Variants in GPR32 observed in about 807,000 individuals in gnomAD.
GPR32 encodes probable G protein-coupled receptor 32.
For synonymous variants in GPR32, 215 were observed against 195.3 expected (o/e 1.10, Z -0.84); for missense variants, 433 against 454.1 (o/e 0.95, Z 0.42).
Position 50,770,786 on chromosome 19 carries a change from G to C in GPR32, c.186G>C (p.Gly62=), listed in dbSNP as rs765794369. ...ASIVVGVLGN[G]LVLWMTVFRM... is the part of the protein sequence containing the mutation. ...TTGTCGTCGGAGTGCTGGGCAATGG[G>C]CTGGTGCTGTGGATGACTGTCTTCC... The change falls in exon 1 of 1, where the codon GGG becomes GGC. Residue 62 remains glycine (G), a synonymous_variant. Coordinates refer to ENST00000270590, the MANE Select transcript of GPR32 (RefSeq NM_001506.2). 6.2e-6 allele frequency: 10 copies of C among 1,614,114 alleles called. No homozygotes were observed. The highest frequency in any genetic ancestry group is 6.8e-6 in the Non-Finnish European group (8 of 1,180,020).
rs2089392917 is a variant in GPR32 at position 50,770,530 on chromosome 19, C to A, written c.-71C>A. The A allele has an allele frequency of 9.5e-7, 1 of 1,056,058 alleles. No individual in the cohort carries two copies. The highest frequency in any genetic ancestry group is 1.3e-6 in the Non-Finnish European group (1 of 743,930). 65.4% of individuals were successfully genotyped at this position (1,056,058 alleles called of 1,614,324 possible). A position where few individuals can be genotyped will look rare whatever the true frequency, so the allele number is the denominator to read the frequency against. The stretch of plus-strand genomic sequence containing the variant: ...TACCTTTGCACTCCAGCCTGGGTGA[C>A]AGAGCATGACGCTGTCTCTAAAAGA... On this transcript the variant is annotated 5_prime_UTR_variant, in exon 1 of 1. Transcript: ENST00000270590.
Position 50,770,780 on chromosome 19 carries a change from C to T in GPR32, c.180C>T (p.Gly60=). 6.2e-7 allele frequency: 1 copy of T among 1,614,118 alleles called. No individual in the cohort carries two copies. Among genetic ancestry groups the T allele is most frequent in the Non-Finnish European group, 8.5e-7 (1 of 1,180,020 alleles). ...LSASIVVGVL[G]NGLVLWMTVF... The stretch of plus-strand genomic sequence containing the variant: ...CGTCCATTGTCGTCGGAGTGCTGGG[C>T]AATGGGCTGGTGCTGTGGATGACTG... The change falls in exon 1 of 1, where the codon GGC becomes GGT. Residue 60 remains glycine, a synonymous_variant. Transcript: ENST00000270590.
rs2089397186 is a variant in GPR32 at position 50,771,029 on chromosome 19, C to T, written c.429C>T (p.Val143=). The T allele has an allele frequency of 6.2e-7, 1 of 1,614,186 alleles. No homozygotes were observed. Among genetic ancestry groups the T allele is most frequent in the Non-Finnish European group, 8.5e-7 (1 of 1,180,034 alleles). ...VFISVDRCIS[V]LYPVWALNHR... ...TCTCTGTGGACCGTTGCATCTCTGTCCTCTACCCCGTCTGGGCCCTGAACC... is the reference window on the plus strand; with the variant it reads ...TCTCTGTGGACCGTTGCATCTCTGTTCTCTACCCCGTCTGGGCCCTGAACC... The change falls in exon 1 of 1, where the codon GTC becomes GTT. Residue 143 remains valine, a synonymous_variant. Transcript: ENST00000270590.
In GPR32 at chr19:50,771,392, T is replaced by C; in HGVS notation, c.792T>C (p.Ala264=). Reference sequence around the variant, plus strand: ...GGCTGCTGCTGGTGCTGGTGAGCGCTTTCTTTATCTTCTGGTCCCCGTTTA... The same window carrying C: ...GGCTGCTGCTGGTGCTGGTGAGCGCCTTCTTTATCTTCTGGTCCCCGTTTA... ...PKRLLLVLVS[A]FFIFWSPFNV... Residue 264 remains alanine (A), a synonymous_variant, in exon 1 of 1, where the codon GCT becomes GCC. Transcript: ENST00000270590. 1 of 1,614,096 alleles carries C rather than the reference T, an allele frequency of 6.2e-7. No homozygotes were observed. The highest frequency in any genetic ancestry group is 8.5e-7 in the Non-Finnish European group (1 of 1,180,020).
Position 50,771,181 on chromosome 19 carries a change from C to G in GPR32, c.581C>G (p.Ala194Gly). 2.5e-6 allele frequency: 4 copies of G among 1,614,140 alleles called. No individual in the cohort carries two copies. Among genetic ancestry groups the G allele is most frequent in the Non-Finnish European group, 3.4e-6 (4 of 1,180,006 alleles). The change falls in exon 1 of 1, where the codon GCG becomes GGG. Residue 194 changes from alanine to glycine, a missense_variant. Transcript: ENST00000270590. ...AATGGCTGTACGCACTGCTACTTGG[C>G]GTTCAACTCTGACAATGAGACTGCC... is the stretch of plus-strand genomic sequence containing the variant. ...KWNGCTHCYL[A>G]FNSDNETAQI...
In GPR32 at chr19:50,771,539, C is replaced by T. The variant is rs61730518; in HGVS notation, c.939C>T (p.Pro313=). 6.2e-7 allele frequency: 1 copy of T among 1,613,008 alleles called. No homozygotes were observed. Among genetic ancestry groups the T allele is most frequent in the Admixed American group, 1.7e-5 (1 of 59,906 alleles). Residue 313 remains proline (P), a synonymous_variant, in exon 1 of 1, where the codon CCC becomes CCT. Transcript: ENST00000270590. ...ALGCVNSSLN[P]FLYVFVGRDF... ...GCTGTGTCAACAGCAGCCTCAACCCCTTCCTCTACGTCTTCGTTGGCAGAG... is the reference window on the plus strand; with the variant it reads ...GCTGTGTCAACAGCAGCCTCAACCCTTTCCTCTACGTCTTCGTTGGCAGAG...
rs767427575 is a variant in GPR32 at position 50,771,649 on chromosome 19, G to C, written c.1049G>C (p.Arg350Pro). The change falls in exon 1 of 1, where the codon CGT (arginine) becomes CCT (proline). Residue 350 changes from arginine (R) to proline (P), a missense_variant. Arg to Pro is a moderately radical substitution (Grantham distance 103). Coordinates refer to ENST00000270590, the MANE Select transcript of GPR32 (RefSeq NM_001506.2). Reference protein sequence around the residue: ...GEEEFLSSCPRGNAPRE With the variant: ...GEEEFLSSCPPGNAPRE ...GAGGAGTTTCTGTCATCCTGTCCCC[G>C]TGGCAACGCCCCCCGGGAATGATGG... The C allele has an allele frequency of 1.2e-6, 2 of 1,611,956 alleles. No homozygotes were observed. Among genetic ancestry groups the C allele is most frequent in the South Asian group, 1.1e-5 (1 of 90,958 alleles).
chr19:50,771,489 A>G lies in GPR32; in HGVS notation c.889A>G (p.Ile297Val), dbSNP rs747713270. The G allele has an allele frequency of 2.5e-6, 4 of 1,614,054 alleles. No individual in the cohort carries two copies. In the Admixed American group the frequency reaches 6.7e-5, roughly 27 times the overall value. The change falls in exon 1 of 1, where the codon ATC becomes GTC. Residue 297 changes from isoleucine to valine, a missense_variant. Transcript: ENST00000270590. ...KEIYHPRMLL[I>V]LQASFALGCV... ...AATCTACCACCCCCGGATGCTGCTC[A>G]TCCTCCAGGCTAGCTTTGCCTTGGG...
chr19:50,771,479 G>A lies in GPR32; in HGVS notation c.879G>A (p.Arg293=). 6.2e-7 allele frequency: 1 copy of A among 1,614,206 alleles called. No homozygotes were observed. Among genetic ancestry groups the A allele is most frequent in the South Asian group, 1.1e-5 (1 of 91,082 alleles). Residue 293 remains arginine (R), a synonymous_variant, in exon 1 of 1, where the codon CGG becomes CGA. Coordinates refer to ENST00000270590, the MANE Select transcript of GPR32 (RefSeq NM_001506.2). ...RVMLKEIYHP[R]MLLILQASFA... Reference sequence around the variant, plus strand: ...TGCTCAAGGAAATCTACCACCCCCGGATGCTGCTCATCCTCCAGGCTAGCT... The same window carrying A: ...TGCTCAAGGAAATCTACCACCCCCGAATGCTGCTCATCCTCCAGGCTAGCT...
Position 50,771,234 on chromosome 19 carries a change from G to A in GPR32, c.634G>A (p.Gly212Arg). Residue 212 changes from glycine to arginine, a missense_variant, in exon 1 of 1, where the codon GGA (glycine) becomes AGA (arginine). Physicochemically the swap from Gly to Arg is moderately radical, Grantham distance 125. Coordinates refer to ENST00000270590, the MANE Select transcript of GPR32 (RefSeq NM_001506.2). ...GATTTGGATTGAAGGGGTCGTGGAG[G>A]GACACATTATAGGGACCATTGGCCA... is the stretch of plus-strand genomic sequence containing the variant. ...AQIWIEGVVEGHIIGTIGHFL... is the reference protein window; with the variant it reads ...AQIWIEGVVERHIIGTIGHFL... 2.5e-6 allele frequency: 4 copies of A among 1,614,150 alleles called. No individual in the cohort carries two copies. Among genetic ancestry groups the A allele is most frequent in the Non-Finnish European group, 3.4e-6 (4 of 1,180,028 alleles).
Position 50,771,087 on chromosome 19 carries a change from T to G in GPR32, c.487T>G (p.Phe163Val), listed in dbSNP as rs980378202. Residue 163 changes from phenylalanine (F) to valine (V), a missense_variant, in exon 1 of 1, where the codon TTT becomes GTT. By Grantham distance (50) the Phe-to-Val change is conservative. Coordinates refer to ENST00000270590, the MANE Select transcript of GPR32 (RefSeq NM_001506.2). ...RTVQRASWLA[F>V]GVWLLAAALC... ...TGTGCAGCGGGCGAGCTGGCTGGCC[T>G]TTGGGGTGTGGCTCCTGGCCGCCGC... 1.2e-6 allele frequency: 2 copies of G among 1,614,192 alleles called. No homozygotes were observed. The highest frequency in any genetic ancestry group is 1.7e-5 in the Admixed American group (1 of 60,022).
In GPR32 at chr19:50,771,672, T is replaced by C. The variant is rs962532379; in HGVS notation, c.*1T>C. The C allele has an allele frequency of 6.3e-7, 1 of 1,599,848 alleles. No homozygotes were observed. The highest frequency in any genetic ancestry group is 8.5e-7 in the Non-Finnish European group (1 of 1,172,728). On this transcript the variant is annotated 3_prime_UTR_variant, in exon 1 of 1. Transcript: ENST00000270590. ...CCGTGGCAACGCCCCCCGGGAATGA[T>C]GGAAGACTTCAGCTGGAAGCTGGAA...
In GPR32 at chr19:50,770,610, G is replaced by A; in HGVS notation, c.10G>A (p.Val4Ile). Reference sequence around the variant, plus strand: ...ATGGAATGGAGAAATCATGAATGGGGTCTCGGAGGGGACCAGAGGCTGCAG... The same window carrying A: ...ATGGAATGGAGAAATCATGAATGGGATCTCGGAGGGGACCAGAGGCTGCAG... MNG[V>I]SEGTRGCSDR... Residue 4 changes from valine to isoleucine, a missense_variant, in exon 1 of 1, where the codon GTC becomes ATC. Transcript: ENST00000270590. 6.3e-7 allele frequency: 1 copy of A among 1,578,190 alleles called. No homozygotes were observed. The highest frequency in any genetic ancestry group is 8.6e-7 in the Non-Finnish European group (1 of 1,160,924).
Position 50,770,747 on chromosome 19 carries a change from C to T in GPR32, c.147C>T (p.Ile49=), listed in dbSNP as rs1347519981. 1 of 1,614,072 alleles carries T rather than the reference C, an allele frequency of 6.2e-7. No homozygotes were observed. The highest frequency in any genetic ancestry group is 1.1e-5 in the South Asian group (1 of 91,056). Residue 49 remains isoleucine (I), a synonymous_variant, in exon 1 of 1, where the codon ATC becomes ATT. Coordinates refer to ENST00000270590, the MANE Select transcript of GPR32 (RefSeq NM_001506.2). ...VGSLRPLTVV[I]LSASIVVGVL... ...CCCTCCGCCCACTGACTGTGGTTATCCTGTCTGCGTCCATTGTCGTCGGAG... is the reference window on the plus strand; with the variant it reads ...CCCTCCGCCCACTGACTGTGGTTATTCTGTCTGCGTCCATTGTCGTCGGAG...
In GPR32 at chr19:50,771,209, G is replaced by A. The variant is rs752215632; in HGVS notation, c.609G>A (p.Gln203=). The change falls in exon 1 of 1, where the codon CAG becomes CAA. Residue 203 remains glutamine, a synonymous_variant. Transcript: ENST00000270590. ...LAFNSDNETA[Q]IWIEGVVEGH... The stretch of plus-strand genomic sequence containing the variant: ...TCAACTCTGACAATGAGACTGCCCA[G>A]ATTTGGATTGAAGGGGTCGTGGAGG... 1.2e-5 allele frequency: 20 copies of A among 1,614,192 alleles called. No homozygotes were observed. The South Asian group carries it at 2.0e-4, about 16-fold the overall frequency.
Position 50,771,537 on chromosome 19 carries a change from C to T in GPR32, c.937C>T (p.Pro313Ser), listed in dbSNP as rs2089400800. The part of the protein sequence containing the change: ...ALGCVNSSLN[P>S]FLYVFVGRDF... ...GGGCTGTGTCAACAGCAGCCTCAAC[C>T]CCTTCCTCTACGTCTTCGTTGGCAG... is the stretch of plus-strand genomic sequence containing the variant. The change falls in exon 1 of 1, where the codon CCC becomes TCC. Residue 313 changes from proline (P) to serine (S), a missense_variant. Physicochemically the swap from Pro to Ser is moderately conservative, Grantham distance 74. Coordinates refer to ENST00000270590, the MANE Select transcript of GPR32 (RefSeq NM_001506.2). 6.2e-7 allele frequency: 1 copy of T among 1,614,168 alleles called. No individual in the cohort carries two copies. The highest frequency in any genetic ancestry group is 1.3e-5 in the African/African-American group (1 of 75,060).
rs538507863 is a variant in GPR32, at chr19:50,770,696, C to T, written c.96C>T (p.Ser32=). 30 of 1,614,000 alleles carry T rather than the reference C, an allele frequency of 1.9e-5. No individual in the cohort carries two copies. The African/African-American group carries it at 3.1e-4, about 16-fold the overall frequency. Residue 32 remains serine, a synonymous_variant, in exon 1 of 1, where the codon TCC becomes TCT. Transcript: ENST00000270590. ...CTTGTTCCAGGAAGATGAACTCTTC[C>T]GGATGCCTGTCTGAGGAGGTGGGGT... ...DRSCSRKMNS[S]GCLSEEVGSL...
rs767034766 is a variant in GPR32, at chr19:50,771,149, A to C, written c.549A>C (p.Arg183Ser). 1.2e-6 allele frequency: 2 copies of C among 1,614,204 alleles called. No homozygotes were observed. The highest frequency in any genetic ancestry group is 1.7e-6 in the Non-Finnish European group (2 of 1,180,032). Residue 183 changes from arginine to serine, a missense_variant, in exon 1 of 1, where the codon AGA becomes AGC. Physicochemically the swap from Arg to Ser is moderately radical, Grantham distance 110. Transcript: ENST00000270590. ...CGCACCTGAAATTCCGGACAACCAG[A>C]AAATGGAATGGCTGTACGCACTGCT... is the stretch of plus-strand genomic sequence containing the variant. Reference protein sequence around the residue: ...CSAHLKFRTTRKWNGCTHCYL... With the variant: ...CSAHLKFRTTSKWNGCTHCYL...
chr19:50,770,914 G>A lies in GPR32; in HGVS notation c.314G>A (p.Arg105Lys). Residue 105 changes from arginine to lysine, a missense_variant, in exon 1 of 1, where the codon AGG (arginine) becomes AAG (lysine). Transcript: ENST00000270590. Reference sequence around the variant, plus strand: ...ATTGCCATGTACTATATTGTCTCCAGGCAGTGGCTCCTCGGAGAGTGGGCC... The same window carrying A: ...ATTGCCATGTACTATATTGTCTCCAAGCAGTGGCTCCTCGGAGAGTGGGCC... The part of the protein sequence containing the change: ...LPIAMYYIVS[R>K]QWLLGEWACK... 1.2e-6 allele frequency: 2 copies of A among 1,614,140 alleles called. No homozygotes were observed. Among genetic ancestry groups the A allele is most frequent in the South Asian group, 2.2e-5 (2 of 91,084 alleles).
Sources: gnomAD v4.1 joint callset for allele counts on GRCh38, gnomAD v4.1.1 for gene constraint, MANE v1.5 for transcripts, NCBI Gene and HGNC (gene_info 2026-07-23, HGNC 2026-07-21) for gene names.